Variants in ZSCAN30 observed in about 807,000 individuals in gnomAD.
The protein encoded by ZSCAN30 is zinc finger and SCAN domain-containing protein 30.
ZSCAN30 carries 37 observed loss-of-function variants against 44.3 expected under a neutral mutation model. The ratio of observed to expected loss-of-function variants is 0.84; its 90% CI spans 0.64 to 1.10. The LOEUF (loss-of-function observed/expected upper bound fraction) is 1.10. Ranked by LOEUF, ZSCAN30 falls within the 50% of genes least tolerant of loss-of-function variation. The pLI is 0.00. For missense variants in ZSCAN30, 549 were observed against 582.6 expected, an observed-to-expected ratio of 0.94 and a Z score of 0.59; for synonymous variants, 181 against 204.6, an observed-to-expected ratio of 0.88 and a Z score of 0.98.
intron 1 of ZSCAN30, among the ~76,000 whole-genome samples, chr18:35,271,684 C>A (rs1308393139): frequency 2.6e-5 from 4 of 152,232 alleles, no homozygotes; most frequent in Non-Finnish European, 5.9e-5. Context: ...TCGATCGGAC[C>A]GGGCACCACG....
chr18:35,253,761 T>TC lies in ZSCAN30; in HGVS notation c.1173dup (p.Lys392GlufsTer13), dbSNP rs1179966831. ...AGGGCTGAGCTCCGGCTGAAGGCCT[T>TC]CCCACATTCTCCACATTCATAAGGC... On this transcript the variant is annotated frameshift_variant, in exon 4 of 4. Coordinates refer to ENST00000333206, the MANE Select transcript of ZSCAN30 (RefSeq NM_001112734.4). LOFTEE classifies it high-confidence loss of function. The TC allele has an allele frequency of 1.9e-6, 3 of 1,614,068 alleles. No homozygotes were observed. The highest frequency in any genetic ancestry group is 4.5e-5 in the East Asian group (2 of 44,898).
intron 3 of ZSCAN30, among the ~76,000 whole-genome samples, chr18:35,255,404 A>G (rs1337118126): frequency 6.6e-6 from 1 of 152,022 alleles, no homozygotes; most frequent in African/African-American, 2.4e-5. Context: ...CTCTAAATGT[A>G]TATGCATTTT....
At chr18:35,284,920 T>G (rs889153505) in intron 1 of ZSCAN30, 2 of 154,902 alleles carry the variant, frequency 1.3e-5, no homozygotes, top group African/African-American at 4.8e-5. Flanking sequence ...GCTCCTGGTC[T>G]CCAAGAACAC....
At chr18:35,274,154 T>C (rs2044331111) in intron 1 of ZSCAN30, among the ~76,000 whole-genome samples, 2 of 152,178 alleles carry the variant, frequency 1.3e-5, no homozygotes, top group Non-Finnish European at 2.9e-5. Context: ...TAGCTGGGAC[T>C]ACGGGCGCCC....
chr18:35,253,768 T>C lies in ZSCAN30; in HGVS notation c.1167A>G (p.Glu389=). 1 of 1,614,068 alleles carries C rather than the reference T, an allele frequency of 6.2e-7. No homozygotes were observed. Among genetic ancestry groups the C allele is most frequent in the Non-Finnish European group, 8.5e-7 (1 of 1,179,980 alleles). The change falls in exon 4 of 4, where the codon GAA becomes GAG. Residue 389 remains glutamate (E), a synonymous_variant. Transcript: ENST00000333206. ...HTGEKPYECG[E]CGKAFSRSSA... is the part of the protein sequence containing the mutation. ...AGCTCCGGCTGAAGGCCTTCCCACA[T>C]TCTCCACATTCATAAGGCTTCTCTC...
chr18:35,253,644 G>A lies in ZSCAN30; in HGVS notation c.1291C>T (p.His431Tyr), dbSNP rs1372276945. 1 of 1,614,128 alleles carries A rather than the reference G, an allele frequency of 6.2e-7. No individual in the cohort carries two copies. Among genetic ancestry groups the A allele is most frequent in the South Asian group, 1.1e-5 (1 of 91,080 alleles). Residue 431 changes from histidine (H) to tyrosine (Y), a missense_variant, in exon 4 of 4, where the codon CAT becomes TAT. His to Tyr is a moderately conservative substitution (Grantham distance 83). Coordinates refer to ENST00000333206, the MANE Select transcript of ZSCAN30 (RefSeq NM_001112734.4). ...TTCTCTCCAGTGTGAATTCTTTGAT[G>A]TTCAATAAGGATAGAACTCCTACCA... Reference protein sequence around the residue: ...AFGRSSILIEHQRIHTGEKPY... With the variant: ...AFGRSSILIEYQRIHTGEKPY...
chr18:35,264,443 C>T lies in ZSCAN30; in HGVS notation c.-91G>A. 1 of 1,321,016 alleles carries T rather than the reference C, an allele frequency of 7.6e-7. No individual in the cohort carries two copies. The highest frequency in any genetic ancestry group is 1.0e-6 in the Non-Finnish European group (1 of 966,582). 81.8% of individuals were successfully genotyped at this position (1,321,016 alleles called of 1,614,324 possible). On this transcript the variant is annotated 5_prime_UTR_variant, in exon 2 of 4. Transcript: ENST00000333206. ...GAGAGATTCCTTCTGAATTCCAACTCCCCAGGACGCTCCTGAGGGTGGACA... is the reference window on the plus strand; with the variant it reads ...GAGAGATTCCTTCTGAATTCCAACTTCCCAGGACGCTCCTGAGGGTGGACA...
At chr18:35,274,138 C>T (rs1334580338) in intron 1 of ZSCAN30, among the ~76,000 whole-genome samples, 2 of 152,152 alleles carry the variant, frequency 1.3e-5, no homozygotes, top group Non-Finnish European at 2.9e-5. Context: ...GCCTCAGCCT[C>T]CCAAGTAGCT....
chr18:35,275,345 T>C (rs1598645463), intron 1 of ZSCAN30, among the ~76,000 whole-genome samples: 1 of 152,376 alleles, frequency 6.6e-6, no homozygotes, highest in Non-Finnish European at 1.5e-5. Flanking sequence ...GGTCACTCAG[T>C]ATTGCTTATC....
At chr18:35,263,432 C>T in intron 3 of ZSCAN30, 81 bp downstream of exon 3, 1 of 1,562,906 alleles carries the variant, frequency 6.4e-7, no homozygotes, top group South Asian at 1.1e-5. Flanking sequence ...CCACAAGTGG[C>T]TGTCGTTAAG....
chr18:35,258,083 T>C (rs999773605), intron 3 of ZSCAN30: 2 of 744,776 alleles, frequency 2.7e-6, no homozygotes, highest in African/African-American at 3.4e-5. Context: ...CTTACAATCA[T>C]ATCACAGTGG....
At chr18:35,283,427 T>G (rs1396295696) in intron 1 of ZSCAN30, 1 of 152,340 alleles carries the variant, frequency 6.6e-6, no homozygotes, top group Non-Finnish European at 1.5e-5. Context: ...TGCCTGAGTT[T>G]TGCTTGGGCC....
At chr18:35,260,888 C>G (rs574404477) in intron 3 of ZSCAN30, 1 of 152,234 alleles carries the variant, frequency 6.6e-6, no homozygotes, top group African/African-American at 2.4e-5. Flanking sequence ...GCTTCTATTG[C>G]AATTGCTTTT....
intron 3 of ZSCAN30, chr18:35,260,654 G>A (rs1266105369): frequency 6.6e-6 from 1 of 152,160 alleles, no homozygotes; most frequent in Admixed American, 6.5e-5. Flanking sequence ...GTGCATAAAT[G>A]TCTTCTTTTG....
At chr18:35,276,884 A>G (rs1440073192) in intron 1 of ZSCAN30, among the ~76,000 whole-genome samples, 1 of 152,178 alleles carries the variant, frequency 6.6e-6, no homozygotes, top group Non-Finnish European at 1.5e-5. Context: ...AGCTTGCACC[A>G]TGCACCTGGA....
At chr18:35,285,000 T>A (rs926856893) in intron 1 of ZSCAN30, 3 of 154,984 alleles carry the variant, frequency 1.9e-5, no homozygotes, top group Non-Finnish European at 4.4e-5. Context: ...ACCCGCCAAC[T>A]TGGAAGGAGC....
intron 1 of ZSCAN30, among the ~76,000 whole-genome samples, chr18:35,276,805 G>T (rs985184729): frequency 5.3e-5 from 8 of 152,204 alleles, no homozygotes; most frequent in African/African-American, 1.9e-4. Context: ...CCCCAACAGG[G>T]AACTGCCTAG....
At chr18:35,258,657 G>A (rs1466763353) in intron 3 of ZSCAN30, 1 of 152,110 alleles carries the variant, frequency 6.6e-6, no homozygotes, top group African/African-American at 2.4e-5. Context: ...GGATAACAAG[G>A]TCAGGAGTTT....
chr18:35,254,563 A>G, intron 3 of ZSCAN30, 182 bp from the exon 4 acceptor site: 3 of 1,009,318 alleles, frequency 3.0e-6, no homozygotes, highest in Non-Finnish European at 4.3e-6. Context: ...GCCCCCTTGG[A>G]GAGTAAGGTA....
Sources: gnomAD v4.1 joint callset for allele counts (sites outside exome capture counted in the v4.1 genomes callset) on GRCh38, gnomAD v4.1.1 for gene constraint, MANE v1.5 for transcripts, NCBI Gene and HGNC (gene_info 2026-07-23, HGNC 2026-07-21) for gene names.